Variants in ZBTB20 observed in about 807,000 individuals in gnomAD.
The protein encoded by ZBTB20 is zinc finger and BTB domain-containing protein 20.
ZBTB20 carries 9 observed loss-of-function variants against 56.9 expected under a neutral mutation model. The observed-to-expected ratio is 0.16, with a 90% confidence interval of 0.10 to 0.28. The LOEUF is 0.28. ZBTB20 is among the 10% of genes least tolerant of loss of function. The probability of loss-of-function intolerance (pLI) is 1.00; values close to 1 mark genes in which losing one functional copy is unlikely to be tolerated. For missense variants in ZBTB20, 655 were observed against 1,003.0 expected, an observed-to-expected ratio of 0.65 and a Z score of 4.69; for synonymous variants, 417 against 420.7, an observed-to-expected ratio of 0.99 and a Z score of 0.11.
At chr3:114,380,736 AGTTTT>A (rs1389967870) in intron 9 of ZBTB20, 36 bp downstream of exon 9, 29 of 1,481,522 alleles carry the variant, frequency 2.0e-5, no homozygotes, top group Admixed American at 1.5e-4. Flanking sequence ...CCCCCTTAGG[AGTTTT>A]AACATGGTCT....
intron 4 of ZBTB20, among the ~76,000 whole-genome samples, chr3:114,881,743 G>C (rs2076406655): frequency 6.6e-6 from 1 of 151,596 alleles, no homozygotes; most frequent in Non-Finnish European, 1.5e-5. Context: ...TTCCTAAAAA[G>C]TTCATAAAGC....
chr3:114,888,080 G>T (rs921658208), intron 4 of ZBTB20, among the ~76,000 whole-genome samples: 9 of 150,782 alleles, frequency 6.0e-5, no homozygotes, highest in African/African-American at 2.2e-4. Context: ...TGATCTTAAC[G>T]TGGAATTGGT....
In ZBTB20 at chr3:114,967,308, C is replaced by A. The variant is rs1031633555; in HGVS notation, c.-456+7058G>T. Among the ~76,000 whole-genome samples, 9 of 152,058 alleles carry A rather than the reference C, an allele frequency of 5.9e-5. No homozygotes were observed. The East Asian group carries it at 1.5e-3, about 26-fold the overall frequency. On this transcript the variant is annotated intron_variant, in intron 3 of 11. Coordinates refer to ENST00000675478, the MANE Select transcript of ZBTB20 (RefSeq NM_001348800.3). ...GTGTTATTTTCAGCTATATAAATAT[C>A]TTATTTTTATCCAATAAAAAACATA...
At chr3:114,643,671 GA>G in intron 6 of ZBTB20, among the ~76,000 whole-genome samples, 1 of 152,060 alleles carries the variant, frequency 6.6e-6, no homozygotes, top group Non-Finnish European at 1.5e-5. Context: ...AAGGAAGAGT[GA>G]AAAACTTCCC....
intron 10 of ZBTB20, among the ~76,000 whole-genome samples, chr3:114,360,795 G>T (rs2081784319): frequency 6.6e-6 from 1 of 152,086 alleles, no homozygotes; most frequent in Non-Finnish European, 1.5e-5. Flanking sequence ...GAGATGATTT[G>T]TGTGGGCTAG....
At chr3:114,715,550 C>A (rs1160071504) in intron 5 of ZBTB20, among the ~76,000 whole-genome samples, 1 of 152,184 alleles carries the variant, frequency 6.6e-6, no homozygotes, top group Non-Finnish European at 1.5e-5. Context: ...TTCCTTTATT[C>A]AGTAAAACAA....
intron 5 of ZBTB20, among the ~76,000 whole-genome samples, chr3:114,725,984 T>C (rs1485402189): frequency 6.6e-6 from 1 of 152,222 alleles, no homozygotes; most frequent in East Asian, 1.9e-4. Context: ...CAGTGGGTAC[T>C]GAATAAATGT....
chr3:115,064,290 T>TG (rs2082121793), intron 2 of ZBTB20, among the ~76,000 whole-genome samples: 1 of 152,118 alleles, frequency 6.6e-6, no homozygotes, highest in South Asian at 2.1e-4. Flanking sequence ...CACTTGGACG[T>TG]AGCATACCCT....
chr3:114,399,883 A>C (rs1309048983), intron 7 of ZBTB20, among the ~76,000 whole-genome samples: 1 of 152,146 alleles, frequency 6.6e-6, no homozygotes, highest in East Asian at 1.9e-4. Flanking sequence ...ATATTGACCT[A>C]GACATGTTAA....
chr3:115,069,484 T>C (rs1177146559), intron 2 of ZBTB20, among the ~76,000 whole-genome samples: 1 of 152,148 alleles, frequency 6.6e-6, no homozygotes, highest in African/African-American at 2.4e-5. Context: ...TAGGATTCAG[T>C]TGAGACTACA....
At chr3:114,811,247 G>T (rs1334195476) in intron 4 of ZBTB20, among the ~76,000 whole-genome samples, 1 of 152,118 alleles carries the variant, frequency 6.6e-6, no homozygotes, top group Non-Finnish European at 1.5e-5. Flanking sequence ...GCTCACTCAG[G>T]TTATACTTCC....
intron 1 of ZBTB20, among the ~76,000 whole-genome samples, chr3:115,071,704 C>T (rs963677551): frequency 1.3e-5 from 2 of 152,098 alleles, no homozygotes; most frequent in African/African-American, 4.8e-5. Flanking sequence ...GACCATTAAT[C>T]CAGCAGAGGA....
intron 1 of ZBTB20, among the ~76,000 whole-genome samples, chr3:115,121,981 T>C (rs2084194916): frequency 1.3e-5 from 2 of 152,070 alleles, no homozygotes; most frequent in South Asian, 4.1e-4. Flanking sequence ...CAGTGGTCTT[T>C]TTTAAGTAAT....
At chr3:115,127,150 T>A (rs2084356983) in intron 1 of ZBTB20, among the ~76,000 whole-genome samples, 1 of 152,198 alleles carries the variant, frequency 6.6e-6, no homozygotes, top group Non-Finnish European at 1.5e-5. Context: ...ATGTTATCTA[T>A]CTAGTCATTT....
chr3:114,637,137 T>C (rs2059322811), intron 6 of ZBTB20, among the ~76,000 whole-genome samples: 1 of 152,122 alleles, frequency 6.6e-6, no homozygotes, highest in African/African-American at 2.4e-5. Context: ...ATTAAAATGA[T>C]ATAATAATCC....
At chr3:114,886,228 T>C (rs2076594731) in intron 4 of ZBTB20, among the ~76,000 whole-genome samples, 1 of 152,248 alleles carries the variant, frequency 6.6e-6, no homozygotes, top group African/African-American at 2.4e-5. Flanking sequence ...AGCCATTTAC[T>C]AGCTATTTAA....
At chr3:115,145,144 G>C (rs1211668084) in intron 1 of ZBTB20, among the ~76,000 whole-genome samples, 1 of 152,058 alleles carries the variant, frequency 6.6e-6, no homozygotes, top group Non-Finnish European at 1.5e-5. Flanking sequence ...AGCTTTCCTG[G>C]GAGACTACTG....
At chr3:115,092,386 T>C (rs1249361996) in intron 1 of ZBTB20, among the ~76,000 whole-genome samples, 1 of 152,156 alleles carries the variant, frequency 6.6e-6, no homozygotes, top group Non-Finnish European at 1.5e-5. Context: ...AGAGACAGAA[T>C]AGACCCTATT....
chr3:114,921,969 A>G (rs1333409053), intron 3 of ZBTB20, among the ~76,000 whole-genome samples: 1 of 152,158 alleles, frequency 6.6e-6, no homozygotes, highest in Non-Finnish European at 1.5e-5. Context: ...GTACCACCAA[A>G]CCAAATTCAA....
Sources: allele counts gnomAD v4.1 joint callset (sites outside exome capture counted in the v4.1 genomes callset), GRCh38; gene constraint gnomAD v4.1.1; transcripts MANE v1.5; gene names NCBI Gene and HGNC (gene_info 2026-07-23, HGNC 2026-07-21).